The following PPP3CA variants were observed in gnomAD, a reference collection of about 807,000 sequenced individuals.
PPP3CA encodes protein phosphatase 3 catalytic subunit alpha, also known as CAM-PRP catalytic subunit.
A neutral mutation model predicts 66.5 loss-of-function variants in PPP3CA; 14 were observed. That is an observed-to-expected ratio of 0.21 (90% CI 0.14 to 0.33). The LOEUF (loss-of-function observed/expected upper bound fraction) is 0.33, where lower values mean the gene tolerates loss of function less well. PPP3CA is among the 10% of genes least tolerant of loss of function. The pLI is 1.00. For synonymous variants in PPP3CA, 232 were observed against 226.2 expected (o/e 1.03, Z -0.23); for missense variants, 317 against 639.5 (o/e 0.50, Z 5.44).
At chr4:101,184,594 T>C (rs1724348852) in intron 2 of PPP3CA, among the ~76,000 whole-genome samples, 1 of 151,860 alleles carries the variant, frequency 6.6e-6, no homozygotes. Flanking sequence ...ATGAAATACA[T>C]TATTAAAAAT....
chr4:101,025,848 A>G lies in PPP3CA; in HGVS notation c.*17T>C. 7.5e-7 allele frequency: 1 copy of G among 1,340,570 alleles called. No individual in the cohort carries two copies. The highest frequency in any genetic ancestry group is 1.0e-6 in the Non-Finnish European group (1 of 1,000,962). 83.0% of individuals were successfully genotyped at this position (1,340,570 alleles called of 1,614,324 possible). A position where few individuals can be genotyped will look rare whatever the true frequency, so the allele number is the denominator to read the frequency against. On this transcript the variant is annotated 3_prime_UTR_variant, in exon 14 of 14. Coordinates refer to ENST00000394854, the MANE Select transcript of PPP3CA (RefSeq NM_000944.5). ...AAAAAAAAAAAAAAAAAAAAAAAAA[A>G]AGTGAACAGGAAGTGGTCACTGAAT...
intron 11 of PPP3CA, among the ~76,000 whole-genome samples, chr4:101,032,924 C>CTTTTT: frequency 6.6e-6 from 1 of 152,088 alleles, no homozygotes; most frequent in Middle Eastern, 3.4e-3. Flanking sequence ...TAATGGCAAG[C>CTTTTT]AGCCAATAAA....
chr4:101,188,823 C>T (rs1724495615), intron 2 of PPP3CA, among the ~76,000 whole-genome samples: 1 of 152,060 alleles, frequency 6.6e-6, no homozygotes, highest in African/African-American at 2.4e-5. Flanking sequence ...AAACACAAAG[C>T]CAGGACTGAA....
At chr4:101,090,134 T>TCC (rs1729848399) in intron 6 of PPP3CA, among the ~76,000 whole-genome samples, 1 of 152,100 alleles carries the variant, frequency 6.6e-6, no homozygotes, top group Non-Finnish European at 1.5e-5. Flanking sequence ...TAAACCATAA[T>TCC]CCCAGAGGAT....
intron 2 of PPP3CA, among the ~76,000 whole-genome samples, chr4:101,131,303 A>G (rs1012810833): frequency 6.6e-6 from 1 of 151,468 alleles, no homozygotes; most frequent in African/African-American, 2.4e-5. Context: ...AGACTGGCAA[A>G]TGGGATACAG....
At chr4:101,247,951 C>T (rs922703481) in intron 1 of PPP3CA, among the ~76,000 whole-genome samples, 1 of 151,932 alleles carries the variant, frequency 6.6e-6, no homozygotes, top group Non-Finnish European at 1.5e-5. Flanking sequence ...CACACACACA[C>T]ATATATGAGA....
chr4:101,151,404 A>G (rs1723132905), intron 2 of PPP3CA, among the ~76,000 whole-genome samples: 1 of 151,900 alleles, frequency 6.6e-6, no homozygotes, highest in African/African-American at 2.4e-5. Flanking sequence ...TACTAAAAAT[A>G]CAAAAATTAG....
chr4:101,182,257 AC>A (rs1223004507), intron 2 of PPP3CA, among the ~76,000 whole-genome samples: 2 of 152,168 alleles, frequency 1.3e-5, no homozygotes, highest in Non-Finnish European at 2.9e-5. Flanking sequence ...AGTTTTAGAT[AC>A]AGTTATTTCC....
intron 2 of PPP3CA, among the ~76,000 whole-genome samples, chr4:101,159,889 C>A (rs893100809): frequency 1.3e-5 from 2 of 152,050 alleles, no homozygotes; most frequent in African/African-American, 4.8e-5. Flanking sequence ...ACCATCTGTA[C>A]ACAGAAATGG....
In PPP3CA at chr4:101,061,168, A is replaced by G; in HGVS notation, c.1082-7T>C. On this transcript the variant is annotated splice_polypyrimidine_tract_variant and splice_region_variant and intron_variant, in intron 9 of 13. Transcript: ENST00000394854. ...TTTACCAGCATCTCAGTCACTAAAGAGAGAAAGCAAAGAAAGAAAAGTCAG... is the reference window on the plus strand; with the variant it reads ...TTTACCAGCATCTCAGTCACTAAAGGGAGAAAGCAAAGAAAGAAAAGTCAG... 1 of 1,610,328 alleles carries G rather than the reference A, an allele frequency of 6.2e-7. No individual in the cohort carries two copies. Among genetic ancestry groups the G allele is most frequent in the African/African-American group, 1.3e-5 (1 of 74,900 alleles).
intron 1 of PPP3CA, among the ~76,000 whole-genome samples, chr4:101,306,695 TTC>T (rs1280847246): frequency 6.6e-6 from 1 of 152,206 alleles, no homozygotes; most frequent in Admixed American, 6.5e-5. Flanking sequence ...ACAGATTTCA[TTC>T]TCTTTGCTCT....
chr4:101,185,295 A>G (rs1724376879), intron 2 of PPP3CA, among the ~76,000 whole-genome samples: 1 of 152,160 alleles, frequency 6.6e-6, no homozygotes, highest in African/African-American at 2.4e-5. Context: ...GAAGAAAATA[A>G]TTCTGGGGTT....
chr4:101,334,140 T>TA (rs1331565950), intron 1 of PPP3CA, among the ~76,000 whole-genome samples: 8 of 122,212 alleles, frequency 6.5e-5, no homozygotes, highest in African/African-American at 4.8e-4. Flanking sequence ...AAGTGACACT[T>TA]TTTTTTTTTT....
intron 1 of PPP3CA, among the ~76,000 whole-genome samples, chr4:101,206,624 CA>C (rs1408458366): frequency 6.6e-6 from 1 of 152,170 alleles, no homozygotes; most frequent in Non-Finnish European, 1.5e-5. Context: ...GATCACTACT[CA>C]AAAAACAGAA....
chr4:101,243,783 A>C (rs1726389746), intron 1 of PPP3CA, among the ~76,000 whole-genome samples: 1 of 152,174 alleles, frequency 6.6e-6, no homozygotes, highest in African/African-American at 2.4e-5. Context: ...TAAACATCTC[A>C]GTTCAAATCC....
intron 2 of PPP3CA, among the ~76,000 whole-genome samples, chr4:101,156,920 G>A (rs1189938903): frequency 6.6e-6 from 1 of 152,188 alleles, no homozygotes; most frequent in African/African-American, 2.4e-5. Context: ...ATCTAGCAGA[G>A]TTTTAAAAAT....
At chr4:101,290,325 C>T (rs1279137500) in intron 1 of PPP3CA, among the ~76,000 whole-genome samples, 3 of 152,210 alleles carry the variant, frequency 2.0e-5, no homozygotes. Flanking sequence ...CCATTCCGCT[C>T]CTGTTAATGG....
chr4:101,090,597 G>A (rs111381422), intron 6 of PPP3CA, among the ~76,000 whole-genome samples: 26,308 of 136,848 alleles, frequency 0.19, 3,092 homozygotes, highest in African/African-American at 0.34. Context: ...AGCCGAGATC[G>A]CACCACTGCA....
intron 2 of PPP3CA, among the ~76,000 whole-genome samples, chr4:101,131,618 C>T (rs903197488): frequency 6.6e-6 from 1 of 152,020 alleles, no homozygotes; most frequent in African/African-American, 2.4e-5. Flanking sequence ...TCTAAGAGAC[C>T]TACAAAGAGA....
Sources: gnomAD v4.1 joint callset for allele counts (sites outside exome capture counted in the v4.1 genomes callset) on GRCh38, gnomAD v4.1.1 for gene constraint, MANE v1.5 for transcripts, NCBI Gene and HGNC (gene_info 2026-07-23, HGNC 2026-07-21) for gene names.